PRKG1: variants seen among roughly 807,000 people sequenced by gnomAD.
PRKG1 encodes the protein cGMP-dependent protein kinase 1.
Under a neutral mutation model 88.1 loss-of-function variants are expected in PRKG1, and 35 were observed. The observed-to-expected ratio is 0.40, with a 90% CI of 0.30 to 0.53. PRKG1 has a LOEUF of 0.53. Among genes scored for constraint, PRKG1 ranks in the 20% least tolerant of loss-of-function variants. The pLI is 0.59. For missense variants in PRKG1, 540 were observed against 839.8 expected (o/e 0.64, Z 4.41); for synonymous variants, 303 against 292.5 (o/e 1.04, Z -0.37).
At chr10:52,245,026 T>C (rs1433432971) in intron 9 of PRKG1, among the ~76,000 whole-genome samples, 1 of 149,392 alleles carries the variant, frequency 6.7e-6, no homozygotes, top group Non-Finnish European at 1.5e-5. Flanking sequence ...AGAATACTTT[T>C]TATTTACTTT....
chr10:51,082,263 T>C (rs1337599939), intron 1 of PRKG1, among the ~76,000 whole-genome samples: 1 of 152,144 alleles, frequency 6.6e-6, no homozygotes, highest in African/African-American at 2.4e-5. Context: ...GTCATGGGGA[T>C]TAGGTAGCTG....
At position 51,838,108 on chromosome 10, in the gene PRKG1, A is replaced by G. The variant is rs1589338587; in HGVS notation, c.698+33418A>G. Among the ~76,000 whole-genome samples, 3 of 152,198 alleles carry G rather than the reference A, an allele frequency of 2.0e-5. No homozygotes were observed. The South Asian group carries it at 6.2e-4, about 32-fold the overall frequency. On this transcript the variant is annotated intron_variant, in intron 4 of 17. Transcript: ENST00000373980. ...TCATTAAAAAATAGTAATAGTTTAAAACACTTATCAATAAAAAACAGATTT... is the reference window on the plus strand; with the variant it reads ...TCATTAAAAAATAGTAATAGTTTAAGACACTTATCAATAAAAAACAGATTT...
At chr10:51,660,085 A>G (rs977481468) in intron 3 of PRKG1, among the ~76,000 whole-genome samples, 2 of 151,634 alleles carry the variant, frequency 1.3e-5, no homozygotes, top group African/African-American at 4.8e-5. Flanking sequence ...AGTTGCTGAA[A>G]AAAAGAGACA....
intron 4 of PRKG1, among the ~76,000 whole-genome samples, chr10:51,876,771 G>T (rs138668296): frequency 1.0e-3 from 156 of 152,166 alleles, no homozygotes; most frequent in Admixed American, 2.7e-3. Flanking sequence ...AATGAATCTG[G>T]GAGCACCACT....
At chr10:51,883,809 T>C (rs970497705) in intron 4 of PRKG1, among the ~76,000 whole-genome samples, 7 of 152,164 alleles carry the variant, frequency 4.6e-5, no homozygotes, top group African/African-American at 1.7e-4. Flanking sequence ...ATGTAAGTTT[T>C]TGTGTGTGGC....
chr10:51,698,698 T>C (rs1056576587), intron 3 of PRKG1: 1 of 1,614,170 alleles, frequency 6.2e-7, no homozygotes, highest in Non-Finnish European at 8.5e-7. Flanking sequence ...GCTGCATTGC[T>C]CCTCCAGGAG....
chr10:51,805,702 A>C (rs1467592563), intron 4 of PRKG1, among the ~76,000 whole-genome samples: 1 of 152,114 alleles, frequency 6.6e-6, no homozygotes, highest in Non-Finnish European at 1.5e-5. Flanking sequence ...AATTTTCTTA[A>C]GATGCAATTT....
intron 2 of PRKG1, among the ~76,000 whole-genome samples, chr10:51,308,199 A>G (rs1313746617): frequency 1.3e-5 from 2 of 152,118 alleles, no homozygotes; most frequent in Admixed American, 6.6e-5. Context: ...ACATTACTTT[A>G]TATAGATTAC....
At chr10:52,085,921 G>T (rs1254317096) in intron 7 of PRKG1, among the ~76,000 whole-genome samples, 1 of 151,916 alleles carries the variant, frequency 6.6e-6, no homozygotes, top group Non-Finnish European at 1.5e-5. Context: ...CAAAAATCTA[G>T]TAAAAAAAGT....
chr10:51,250,027 A>G (rs925312769), intron 2 of PRKG1, among the ~76,000 whole-genome samples: 2 of 151,756 alleles, frequency 1.3e-5, no homozygotes, highest in African/African-American at 4.8e-5. Context: ...AGAGGAGAAA[A>G]CTGAGACCCT....
chr10:52,040,659 T>C (rs555921459), intron 5 of PRKG1, among the ~76,000 whole-genome samples: 1 of 152,286 alleles, frequency 6.6e-6, no homozygotes, highest in South Asian at 2.1e-4. Flanking sequence ...CCAATTTGGA[T>C]GACTTTTGTT....
At chr10:51,968,904 T>A (rs182737738) in intron 5 of PRKG1, among the ~76,000 whole-genome samples, 23 of 152,022 alleles carry the variant, frequency 1.5e-4, no homozygotes, top group Admixed American at 7.9e-4. Flanking sequence ...GAATCTGCAC[T>A]TCAATGAGAA....
intron 7 of PRKG1, among the ~76,000 whole-genome samples, chr10:52,121,204 T>C (rs1438454935): frequency 6.6e-6 from 1 of 152,092 alleles, no homozygotes; most frequent in Non-Finnish European, 1.5e-5. Context: ...TTAGAGCATC[T>C]CTCTGGAAAC....
intron 2 of PRKG1, among the ~76,000 whole-genome samples, chr10:51,392,070 C>T (rs1293672088): frequency 6.6e-6 from 1 of 152,054 alleles, no homozygotes; most frequent in Non-Finnish European, 1.5e-5. Context: ...TACCTCTGCT[C>T]TTCTAAGTCT....
intron 4 of PRKG1, among the ~76,000 whole-genome samples, chr10:51,862,818 T>A (rs189260103): frequency 3.3e-5 from 5 of 152,276 alleles, no homozygotes; most frequent in African/African-American, 1.2e-4. Flanking sequence ...TATAGCAATA[T>A]GGGTAGCTGT....
At chr10:51,060,032 GATAA>G (rs1843676471) in intron 1 of PRKG1, among the ~76,000 whole-genome samples, 1 of 151,982 alleles carries the variant, frequency 6.6e-6, no homozygotes, top group Non-Finnish European at 1.5e-5. Context: ...ATTACTTTCA[GATAA>G]ATTAATCATT....
At chr10:51,343,052 C>T (rs1003203868) in intron 2 of PRKG1, among the ~76,000 whole-genome samples, 1 of 152,156 alleles carries the variant, frequency 6.6e-6, no homozygotes, top group African/African-American at 2.4e-5. Context: ...ACAGTTGGGC[C>T]TCAGGTAGAC....
chr10:52,040,668 T>A (rs768261021), intron 5 of PRKG1, among the ~76,000 whole-genome samples: 10 of 152,178 alleles, frequency 6.6e-5, no homozygotes, highest in South Asian at 2.1e-4. Flanking sequence ...ATGACTTTTG[T>A]TCCTTTCACT....
intron 5 of PRKG1, among the ~76,000 whole-genome samples, chr10:51,993,604 G>A (rs1844365227): frequency 6.6e-6 from 1 of 152,146 alleles, no homozygotes; most frequent in Non-Finnish European, 1.5e-5. Context: ...CTCTCACTGG[G>A]TCATACTGAG....
Sources: gnomAD v4.1 joint callset for allele counts (sites outside exome capture counted in the v4.1 genomes callset) on GRCh38, gnomAD v4.1.1 for gene constraint, MANE v1.5 for transcripts, NCBI Gene and HGNC (gene_info 2026-07-23, HGNC 2026-07-21) for gene names.